Variants in CORT observed in about 807,000 individuals in gnomAD.
CORT encodes the protein cortistatin, also known as cortistatin-14.
A neutral mutation model predicts 4.4 loss-of-function variants in CORT; 2 were observed. The ratio of observed to expected loss-of-function variants is 0.46; its 90% CI spans 0.19 to 1.44. The LOEUF (loss-of-function observed/expected upper bound fraction) is 1.44, where lower values mean the gene tolerates loss of function less well. CORT is among the 40% of genes most tolerant of loss of function. The probability of loss-of-function intolerance (pLI) is 0.26; values close to 1 mark genes in which losing one functional copy is unlikely to be tolerated. For synonymous variants in CORT, 72 were observed against 62.0 expected, an observed-to-expected ratio of 1.16 and a Z score of -0.75; for missense variants, 158 against 140.2, an observed-to-expected ratio of 1.13 and a Z score of -0.64.
At chr1:10,450,502 CTGATCCTCAGTTACA>C (rs1483241517) in intron 1 of CORT, among the ~76,000 whole-genome samples, 180 bp downstream of exon 1, 1 of 152,208 alleles carries the variant, frequency 6.6e-6, no homozygotes, top group East Asian at 1.9e-4. Context: ...ATTCAGACCA[CTGATCCTCAGTTACA>C]TGTCCCAACC....
intron 1 of CORT, among the ~76,000 whole-genome samples, chr1:10,450,862 A>G (rs1640762470): frequency 6.6e-6 from 1 of 152,238 alleles, no homozygotes; most frequent in Non-Finnish European, 1.5e-5. Context: ...ATTTATCAGC[A>G]GATTACTCCC....
chr1:10,451,368 C>CTTAA lies in CORT; in HGVS notation c.100-7_100-6insAATT. The CTTAA allele has an allele frequency of 6.3e-7, 1 of 1,594,766 alleles. No homozygotes were observed. Among genetic ancestry groups the CTTAA allele is most frequent in the Non-Finnish European group, 8.5e-7 (1 of 1,170,292 alleles). On this transcript the variant is annotated splice_polypyrimidine_tract_variant and intron_variant, in intron 1 of 1. Transcript: ENST00000377049. ...TTTCTTTCCTTTGCCATCTGCTTCTCTTTAAAAGCATATGCAGGAAGCGGC... is the reference window on the plus strand; with the variant it reads ...TTTCTTTCCTTTGCCATCTGCTTCTCTTAATTTAAAAGCATATGCAGGAAGCGGC...
At position 10,450,129 on chromosome 1, in the gene CORT, A is replaced by G. The variant is rs779426632; in HGVS notation, c.-95A>G. 1.2e-6 allele frequency: 2 copies of G among 1,609,166 alleles called. No homozygotes were observed. Among genetic ancestry groups the G allele is most frequent in the Non-Finnish European group, 1.7e-6 (2 of 1,178,144 alleles). ...GGCTTAAAATACCCACCAAGCTCCA[A>G]AGAAGAGACCCAAGTCCCCAAAACA... On this transcript the variant is annotated 5_prime_UTR_variant, in exon 1 of 2. Transcript: ENST00000377049.
rs776492345 is a variant in CORT, at chr1:10,450,356, C to T, written c.99+34C>T. On this transcript the variant is annotated intron_variant, in intron 1 of 1. Transcript: ENST00000377049. ...AGTCCCGACGTGGCCACACGCTAGC[C>T]CACTCTCTGTCTCTTGTTGGCTTTT... is the stretch of plus-strand genomic sequence containing the variant. 2.8e-6 allele frequency: 4 copies of T among 1,447,334 alleles called. No individual in the cohort carries two copies. In the African/African-American group the frequency reaches 4.3e-5, roughly 16 times the overall value. 89.7% of individuals were successfully genotyped at this position (1,447,334 alleles called of 1,614,324 possible).
intron 1 of CORT, 64 bp downstream of exon 1, chr1:10,450,386 C>T: frequency 7.1e-7 from 1 of 1,415,280 alleles, no homozygotes; most frequent in South Asian, 1.7e-5. Context: ...GCTTTTTGGC[C>T]TGCATGGTGT....
Position 10,451,473 on chromosome 1 carries a change from A to G in CORT, c.196A>G (p.Ile66Val), listed in dbSNP as rs1348505857. 6.2e-7 allele frequency: 1 copy of G among 1,614,048 alleles called. No individual in the cohort carries two copies. Among genetic ancestry groups the G allele is most frequent in the African/African-American group, 1.3e-5 (1 of 74,942 alleles). The change falls in exon 2 of 2, where the codon ATA becomes GTA. Residue 66 changes from isoleucine (I) to valine (V), a missense_variant. Coordinates refer to ENST00000377049, the MANE Select transcript of CORT (RefSeq NM_001302.5). ...WTSQASAGPL[I>V]GEEAREVARR... ...CTCCCAGGCCAGTGCCGGGCCCCTC[A>G]TAGGAGAGGAAGCCCGGGAGGTGGC...
At chr1:10,451,313 ATGCT>A in intron 1 of CORT, 60 bp from the exon 2 acceptor site, 1 of 1,472,170 alleles carries the variant, frequency 6.8e-7, no homozygotes, top group African/African-American at 1.4e-5. Flanking sequence ...ATATCTTTGA[ATGCT>A]TGCTGCCTGA....
intron 1 of CORT, among the ~76,000 whole-genome samples, chr1:10,450,546 C>T (rs1219301312): frequency 6.6e-6 from 1 of 152,174 alleles, no homozygotes; most frequent in South Asian, 2.1e-4. Flanking sequence ...CTGCTGGAAA[C>T]CTGTGCAGCT....
rs1425395787 is a variant in CORT, at chr1:10,450,256, G to T, written c.33G>T (p.Leu11=). Residue 11 remains leucine (L), a synonymous_variant, in exon 1 of 2, where the codon CTG becomes CTT. Transcript: ENST00000377049. MPLSPGLLLL[L]LSGATATAAL... ...TGTCCCCCGGCCTCCTGCTGCTGCT[G>T]CTCTCCGGGGCCACGGCCACCGCTG... 2 of 1,569,358 alleles carry T rather than the reference G, an allele frequency of 1.3e-6. No individual in the cohort carries two copies. The highest frequency in any genetic ancestry group is 2.3e-5 in the East Asian group (1 of 43,524).
rs752733385 is a variant in CORT at position 10,450,306 on chromosome 1, C to A, written c.83C>A (p.Thr28Asn). Residue 28 changes from threonine to asparagine, a missense_variant, in exon 1 of 2, where the codon ACC becomes AAC. Coordinates refer to ENST00000377049, the MANE Select transcript of CORT (RefSeq NM_001302.5). ...GCCCTGCCCCTGGAGGGTGGCCCCA[C>A]CGGCCGAGACAGCGAGGTGAGTACA... The part of the protein sequence containing the change: ...TAALPLEGGP[T>N]GRDSEHMQEA... 1 of 1,512,766 alleles carries A rather than the reference C, an allele frequency of 6.6e-7. No individual in the cohort carries two copies. The highest frequency in any genetic ancestry group is 8.8e-7 in the Non-Finnish European group (1 of 1,131,198). The allele number at this position is 1,512,766 out of a possible 1,614,324, so 93.7% of individuals were successfully genotyped here. A position where few individuals can be genotyped will look rare whatever the true frequency, so the allele number is the denominator to read the frequency against.
intron 1 of CORT, 73 bp from the exon 2 acceptor site, chr1:10,451,304 T>C: frequency 1.4e-6 from 2 of 1,449,632 alleles, no homozygotes; most frequent in East Asian, 2.4e-5. Flanking sequence ...GGAGATTGCA[T>C]ATCTTTGAAT....
At position 10,451,645 on chromosome 1, in the gene CORT, A is replaced by G; in HGVS notation, c.*50A>G. 3 of 1,553,404 alleles carry G rather than the reference A, an allele frequency of 1.9e-6. No homozygotes were observed. Among genetic ancestry groups the G allele is most frequent in the Non-Finnish European group, 2.6e-6 (3 of 1,148,478 alleles). ...AAGTGTAATGACAGACCTGAATAAAATGTATTAAGCAGCAGTGATCTTTCC... is the reference window on the plus strand; with the variant it reads ...AAGTGTAATGACAGACCTGAATAAAGTGTATTAAGCAGCAGTGATCTTTCC... On this transcript the variant is annotated 3_prime_UTR_variant, in exon 2 of 2. Coordinates refer to ENST00000377049, the MANE Select transcript of CORT (RefSeq NM_001302.5).
At chr1:10,451,062 T>C (rs1225326991) in intron 1 of CORT, among the ~76,000 whole-genome samples, 2 of 152,194 alleles carry the variant, frequency 1.3e-5, no homozygotes, top group Non-Finnish European at 2.9e-5. Context: ...CGACCTCTCC[T>C]AATTAAGGAC....
Position 10,450,180 on chromosome 1 carries a change from A to G in CORT, c.-44A>G, listed in dbSNP as rs749301910. On this transcript the variant is annotated 5_prime_UTR_variant, in exon 1 of 2. Transcript: ENST00000377049. Reference sequence around the variant, plus strand: ...TTGATTTCAGGGCTGCCAGGAAGGAAGAGCAGCAGCAGGGTGGGAGAGAAG... The same window carrying G: ...TTGATTTCAGGGCTGCCAGGAAGGAGGAGCAGCAGCAGGGTGGGAGAGAAG... 8.1e-6 allele frequency: 13 copies of G among 1,610,868 alleles called. No homozygotes were observed. Among genetic ancestry groups the G allele is most frequent in the Non-Finnish European group, 9.3e-6 (11 of 1,178,722 alleles).
intron 1 of CORT, among the ~76,000 whole-genome samples, chr1:10,451,170 T>C (rs1312876167): frequency 6.6e-6 from 1 of 152,238 alleles, no homozygotes; most frequent in Non-Finnish European, 1.5e-5. Flanking sequence ...TTCTCTTCAC[T>C]TTCTCATCCT....
intron 1 of CORT, 68 bp downstream of exon 1, chr1:10,450,390 A>G: frequency 7.1e-7 from 1 of 1,408,438 alleles, no homozygotes; most frequent in Non-Finnish European, 9.3e-7. Flanking sequence ...TTTGGCCTGC[A>G]TGGTGTGTGT....
In CORT at chr1:10,451,371, T is replaced by G; in HGVS notation, c.100-6T>G. On this transcript the variant is annotated splice_polypyrimidine_tract_variant and splice_region_variant and intron_variant, in intron 1 of 1. Coordinates refer to ENST00000377049, the MANE Select transcript of CORT (RefSeq NM_001302.5). ...CTTTCCTTTGCCATCTGCTTCTCTTTAAAAGCATATGCAGGAAGCGGCAGG... is the reference window on the plus strand; with the variant it reads ...CTTTCCTTTGCCATCTGCTTCTCTTGAAAAGCATATGCAGGAAGCGGCAGG... The G allele has an allele frequency of 1.3e-6, 2 of 1,596,262 alleles. No homozygotes were observed. Among genetic ancestry groups the G allele is most frequent in the Non-Finnish European group, 1.7e-6 (2 of 1,171,114 alleles).
In CORT at chr1:10,451,477, G is replaced by A. The variant is rs201163116; in HGVS notation, c.200G>A (p.Gly67Glu). 2 of 1,614,162 alleles carry A rather than the reference G, an allele frequency of 1.2e-6. No homozygotes were observed. Among genetic ancestry groups the A allele is most frequent in the African/African-American group, 1.3e-5 (1 of 75,066 alleles). Residue 67 changes from glycine (G) to glutamate (E), a missense_variant, in exon 2 of 2, where the codon GGA becomes GAA. By Grantham distance (98) the Gly-to-Glu change is moderately conservative. Transcript: ENST00000377049. ...CAGGCCAGTGCCGGGCCCCTCATAG[G>A]AGAGGAAGCCCGGGAGGTGGCCAGG... ...TSQASAGPLI[G>E]EEAREVARRQ...
Position 10,451,368 on chromosome 1 carries a change from C to T in CORT, c.100-9C>T. The stretch of plus-strand genomic sequence containing the variant: ...TTTCTTTCCTTTGCCATCTGCTTCT[C>T]TTTAAAAGCATATGCAGGAAGCGGC... On this transcript the variant is annotated splice_polypyrimidine_tract_variant and intron_variant, in intron 1 of 1. Transcript: ENST00000377049. 6.3e-7 allele frequency: 1 copy of T among 1,594,764 alleles called. No individual in the cohort carries two copies. Among genetic ancestry groups the T allele is most frequent in the Non-Finnish European group, 8.5e-7 (1 of 1,170,290 alleles).
Sources: allele counts gnomAD v4.1 joint callset (sites outside exome capture counted in the v4.1 genomes callset), GRCh38; gene constraint gnomAD v4.1.1; transcripts MANE v1.5; gene names NCBI Gene and HGNC (gene_info 2026-07-23, HGNC 2026-07-21).